GATA3: variants seen among roughly 807,000 people sequenced by gnomAD.
GATA3 encodes GATA binding protein 3, also known as trans-acting T-cell-specific transcription factor GATA-3.
In GATA3, 6 loss-of-function variants were observed where a neutral mutation model predicts 36.0. The observed-to-expected ratio is 0.17, with a 90% confidence interval of 0.09 to 0.33. The LOEUF is 0.33. GATA3 is among the 10% of genes least tolerant of loss of function. The pLI is 1.00. For missense variants in GATA3, 514 were observed against 610.1 expected (o/e 0.84, Z 1.66); for synonymous variants, 326 against 273.0 (o/e 1.19, Z -1.92).
chr10:8,050,100 C>A (rs1217899168), upstream of GATA3, among the ~76,000 whole-genome samples: 11 of 152,228 alleles, frequency 7.2e-5, no homozygotes, highest in South Asian at 2.1e-4. Context: ...ACACCGAAGG[C>A]AAAGCAAGCA....
rs1389307668 is a variant in GATA3 at position 8,074,935 on chromosome 10, T to C, written c.*912T>C. ...AGGGTTTCTTGTTTCTTTTCCATTT[T>C]GTTTTTGGATGATATTTATTAAATA... On this transcript the variant is annotated 3_prime_UTR_variant, in exon 6 of 6. Transcript: ENST00000379328. 2 of 233,670 alleles carry C rather than the reference T, an allele frequency of 8.6e-6. No individual in the cohort carries two copies. Among genetic ancestry groups the C allele is most frequent in the East Asian group, 1.2e-4 (2 of 16,606 alleles). The allele number at this position is 233,670 out of a possible 1,614,324, so 14.5% of individuals were successfully genotyped here.
upstream of GATA3, chr10:8,051,393 C>T: frequency 4.4e-6 from 1 of 229,560 alleles, no homozygotes. Flanking sequence ...GCGGTGGCCG[C>T]GCCGTCGCCT....
In GATA3 at chr10:8,075,159, A is replaced by G. The variant is rs1329035548; in HGVS notation, c.*1136A>G. ...CTTTAATACAGTCTGTTGGAATAAT[A>G]TTATAAGCATAATAATAAAGTGAAA... is the stretch of plus-strand genomic sequence containing the variant. On this transcript the variant is annotated 3_prime_UTR_variant, in exon 6 of 6. Coordinates refer to ENST00000379328, the MANE Select transcript of GATA3 (RefSeq NM_001002295.2). 4.3e-6 allele frequency: 1 copy of G among 231,282 alleles called. No homozygotes were observed. The highest frequency in any genetic ancestry group is 6.1e-5 in the East Asian group (1 of 16,384). The allele number at this position is 231,282 out of a possible 1,614,324, so 14.3% of individuals were successfully genotyped here.
chr10:8,056,661 A>G (rs147493799), intron 2 of GATA3, among the ~76,000 whole-genome samples: 1 of 151,882 alleles, frequency 6.6e-6, no homozygotes, highest in African/African-American at 2.4e-5. Context: ...CTCTTGCCTT[A>G]CTCTGTCTCT....
chr10:8,072,218 G>A (rs184615003), intron 5 of GATA3, among the ~76,000 whole-genome samples: 1 of 152,320 alleles, frequency 6.6e-6, no homozygotes, highest in Admixed American at 6.5e-5. Context: ...CTGGGTGTTG[G>A]CTGCTCTCAG....
At chr10:8,063,241 C>G in intron 3 of GATA3, among the ~76,000 whole-genome samples, 1 of 152,272 alleles carries the variant, frequency 6.6e-6, no homozygotes, top group East Asian at 1.9e-4. Flanking sequence ...CTCCCTCCCC[C>G]TCTTCCAGGT....
chr10:8,058,633 G>C lies in GATA3; in HGVS notation c.570G>C (p.Leu190=), dbSNP rs562564792. The C allele has an allele frequency of 6.2e-7, 1 of 1,612,682 alleles. No homozygotes were observed. The highest frequency in any genetic ancestry group is 1.1e-5 in the South Asian group (1 of 91,082). ...EKECLKYQVP[L]PDSMKLESSH... Reference sequence around the variant, plus strand: ...AGTGCCTCAAGTACCAGGTGCCCCTGCCCGACAGCATGAAGCTGGAGTCGT... The same window carrying C: ...AGTGCCTCAAGTACCAGGTGCCCCTCCCCGACAGCATGAAGCTGGAGTCGT... Residue 190 remains leucine (L), a synonymous_variant, in exon 3 of 6, where the codon CTG becomes CTC. Transcript: ENST00000379328.
At chr10:8,072,486 T>C (rs1832946510) in intron 5 of GATA3, among the ~76,000 whole-genome samples, 1 of 152,248 alleles carries the variant, frequency 6.6e-6, no homozygotes, top group Non-Finnish European at 1.5e-5. Context: ...AATCTGCTTC[T>C]GCCTCCCTGT....
Position 8,055,853 on chromosome 10 carries a change from C to T in GATA3, c.198C>T (p.Asn66=). Reference sequence around the variant, plus strand: ...ACCACGTCCCGCCCTACTACGGAAACTCGGTCAGGGCCACGGTGCAGAGGT... The same window carrying T: ...ACCACGTCCCGCCCTACTACGGAAATTCGGTCAGGGCCACGGTGCAGAGGT... ...QGNHVPPYYG[N]SVRATVQRYP... is the part of the protein sequence containing the mutation. The change falls in exon 2 of 6, where the codon AAC becomes AAT. Residue 66 remains asparagine, a synonymous_variant. Transcript: ENST00000379328. This position sits in a 1 kb window ranked among gnomAD's most constrained non-coding sequence, Gnocchi z 5.4. 1 of 1,578,362 alleles carries T rather than the reference C, an allele frequency of 6.3e-7. No homozygotes were observed.
At chr10:8,062,664 G>C (rs1226859770) in intron 3 of GATA3, among the ~76,000 whole-genome samples, 1 of 152,182 alleles carries the variant, frequency 6.6e-6, no homozygotes, top group East Asian at 1.9e-4. Context: ...GTCCGGGCAG[G>C]TTGGAGGTCA....
chr10:8,060,377 C>T (rs1588380271), intron 3 of GATA3, among the ~76,000 whole-genome samples: 1 of 152,192 alleles, frequency 6.6e-6, no homozygotes, highest in East Asian at 1.9e-4. Flanking sequence ...GCTGGAGGCA[C>T]AAAGTGGCCA....
intron 3 of GATA3, among the ~76,000 whole-genome samples, chr10:8,063,665 T>C (rs987635365): frequency 6.6e-6 from 1 of 152,194 alleles, no homozygotes; most frequent in Non-Finnish European, 1.5e-5. Context: ...CAGGGAAGTA[T>C]TTGTAGCTGG....
intron 5 of GATA3, among the ~76,000 whole-genome samples, chr10:8,072,940 T>G (rs1037235371): frequency 2.0e-5 from 3 of 151,578 alleles, no homozygotes; most frequent in Non-Finnish European, 4.4e-5. Flanking sequence ...ATGTCGGGAG[T>G]TCGAGACCAG....
At chr10:8,071,634 C>T (rs1004093986) in intron 5 of GATA3, among the ~76,000 whole-genome samples, 1 of 152,168 alleles carries the variant, frequency 6.6e-6, no homozygotes, top group Non-Finnish European at 1.5e-5. Context: ...CAGAAACTTC[C>T]TCATCCTCAA....
intron 3 of GATA3, among the ~76,000 whole-genome samples, chr10:8,059,095 A>T (rs1292039273): frequency 6.6e-6 from 1 of 152,188 alleles, no homozygotes; most frequent in Non-Finnish European, 1.5e-5. Context: ...AAAAAGACAA[A>T]CAAAAACAAA....
upstream of GATA3, chr10:8,051,405 C>T (rs1832489735): frequency 4.4e-6 from 1 of 225,070 alleles, no homozygotes; most frequent in Admixed American, 5.6e-5. Context: ...CCGTCGCCTG[C>T]TCGGCTGCGG....
Position 8,055,985 on chromosome 10 carries a change from G to C in GATA3, c.241+89G>C, listed in dbSNP as rs1045998011. ...CGGGAGGGACCTGAGGGCGGGGAGA[G>C]GTCAAGCGAAAGCCCCCATCTGCCG... On this transcript the variant is annotated intron_variant, in intron 2 of 5. Transcript: ENST00000379328. The surrounding 1 kb of genome is among the most constrained non-coding windows in gnomAD (Gnocchi z 5.4). 2.0e-6 allele frequency: 3 copies of C among 1,516,874 alleles called. No homozygotes were observed. Among genetic ancestry groups the C allele is most frequent in the South Asian group, 2.4e-5 (2 of 82,976 alleles). 94.0% of individuals were successfully genotyped at this position (1,516,874 alleles called of 1,614,324 possible). A position where few individuals can be genotyped will look rare whatever the true frequency, so the allele number is the denominator to read the frequency against.
intron 4 of GATA3, among the ~76,000 whole-genome samples, chr10:8,066,654 G>T (rs556721568): frequency 6.6e-6 from 1 of 152,138 alleles, no homozygotes; most frequent in Non-Finnish European, 1.5e-5. Flanking sequence ...AAAAACTAAT[G>T]CAAGAAATAG....
At chr10:8,056,171 C>T (rs909917485) in intron 2 of GATA3, among the ~76,000 whole-genome samples, 3 of 152,098 alleles carry the variant, frequency 2.0e-5, no homozygotes, top group African/African-American at 7.2e-5. Context: ...CGCAGCCCTC[C>T]GTCTCTGCGC....
Sources: allele counts gnomAD v4.1 joint callset (sites outside exome capture counted in the v4.1 genomes callset), GRCh38; gene constraint gnomAD v4.1.1; non-coding constraint Gnocchi (gnomAD v3.1); transcripts MANE v1.5; gene names NCBI Gene and HGNC (gene_info 2026-07-23, HGNC 2026-07-21).